ZDHHC11: variants seen among roughly 807,000 people sequenced by gnomAD.
ZDHHC11 encodes the protein zDHHC palmitoyltransferase 11.
ZDHHC11 carries 44 observed loss-of-function variants against 51.3 expected under a neutral mutation model. That is an observed-to-expected ratio of 0.86 (90% CI 0.67 to 1.10). The LOEUF (loss-of-function observed/expected upper bound fraction) is 1.10, where lower values mean the gene tolerates loss of function less well. ZDHHC11 is among the 50% of genes least tolerant of loss of function. The pLI, the probability that ZDHHC11 is intolerant of heterozygous loss-of-function variation, is 0.00. For synonymous variants in ZDHHC11, 163 were observed against 222.0 expected (o/e 0.73, Z 2.36); for missense variants, 400 against 537.7 (o/e 0.74, Z 2.53).
chr5:795,997 G>A lies in ZDHHC11; in HGVS notation c.*591C>T, dbSNP rs202002768. ...AGTACTGTGCTCCCATTTCTCAGTA[G>A]TGTACTCCCATTTCTCAGTACTGTG... On this transcript the variant is annotated 3_prime_UTR_variant, in exon 13 of 13. Coordinates refer to ENST00000283441, the MANE Select transcript of ZDHHC11 (RefSeq NM_024786.3). 5 of 34,694 alleles carry A rather than the reference G, an allele frequency of 1.4e-4. 1 individual carries two copies. The highest frequency in any genetic ancestry group is 6.7e-4 in the Non-Finnish European group (5 of 7,472). 2.1% of individuals were successfully genotyped at this position (34,694 alleles called of 1,614,324 possible). A position where few individuals can be genotyped will look rare whatever the true frequency, so the allele number is the denominator to read the frequency against.
In ZDHHC11 at chr5:819,538, C is replaced by G. The variant is rs572001257; in HGVS notation, c.1133G>C (p.Gly378Ala). The G allele has an allele frequency of 1.9e-6, 3 of 1,609,620 alleles. 1 individual carries two copies. The highest frequency in any genetic ancestry group is 1.7e-5 in the Admixed American group (1 of 59,930). The change falls in exon 10 of 13, where the codon GGC becomes GCC. Residue 378 changes from glycine to alanine, a missense_variant. By Grantham distance (60) the Gly-to-Ala change is moderately conservative. Coordinates refer to ENST00000283441, the MANE Select transcript of ZDHHC11 (RefSeq NM_024786.3). The part of the protein sequence containing the change: ...QFSTRVHPDG[G>A]SMAQEADDAP... ...ATTGCAACTTACCTGTGCCATCGAG[C>G]CCCCGTCTGGGTGTACACGAGTGGA...
upstream of ZDHHC11, among the ~76,000 whole-genome samples, chr5:859,840 G>A (rs1013767980): frequency 3.3e-5 from 5 of 151,322 alleles, no homozygotes; most frequent in African/African-American, 7.4e-5. Flanking sequence ...TTTCCAGTTC[G>A]TGTCGGTTGG....
At chr5:805,583 A>G (rs1451407484) in intron 11 of ZDHHC11, among the ~76,000 whole-genome samples, 8 of 95,052 alleles carry the variant, frequency 8.4e-5, no homozygotes, top group Non-Finnish European at 1.4e-4. Flanking sequence ...ACATTCAACT[A>G]AAGATTTTTT....
intron 5 of ZDHHC11, among the ~76,000 whole-genome samples, chr5:838,391 C>T (rs868470323): frequency 4.8e-4 from 73 of 152,218 alleles, no homozygotes; most frequent in African/African-American, 1.6e-3. Flanking sequence ...CCGTGAGAGC[C>T]GATGTCTTGT....
At position 841,991 on chromosome 5, in the gene ZDHHC11, G is replaced by T. The variant is rs1391555359; in HGVS notation, c.629-1341C>A. 1.7e-5 allele frequency: 17 copies of T among 988,756 alleles called. No individual in the cohort carries two copies. In the African/African-American group the frequency reaches 2.6e-4, roughly 15 times the overall value. The allele number at this position is 988,756 out of a possible 1,614,324, so 61.2% of individuals were successfully genotyped here. On this transcript the variant is annotated intron_variant, in intron 4 of 12. Transcript: ENST00000283441. Reference sequence around the variant, plus strand: ...GTGCCTGGGCCGGGCTGGACCCCATGCTGCCCCCCTTAGCCAGTGACATCA... The same window carrying T: ...GTGCCTGGGCCGGGCTGGACCCCATTCTGCCCCCCTTAGCCAGTGACATCA...
At chr5:836,085 G>C (rs566467655) in intron 6 of ZDHHC11, among the ~76,000 whole-genome samples, 4 of 150,512 alleles carry the variant, frequency 2.7e-5, no homozygotes, top group East Asian at 1.9e-4. Flanking sequence ...TGTGATATCA[G>C]AAGTAGGAGG....
chr5:859,726 C>T (rs529858733), upstream of ZDHHC11, among the ~76,000 whole-genome samples: 7 of 152,330 alleles, frequency 4.6e-5, no homozygotes, highest in South Asian at 2.1e-4. Flanking sequence ...AGCTTCACCA[C>T]GACCCATGAC....
chr5:799,977 T>C (rs1738179592), intron 12 of ZDHHC11, among the ~76,000 whole-genome samples: 1 of 151,372 alleles, frequency 6.6e-6, no homozygotes, highest in African/African-American at 2.4e-5. Flanking sequence ...CACTTTTTTT[T>C]CTAGAGAACA....
At chr5:849,654 G>T (rs556703521) in intron 1 of ZDHHC11, 1 of 152,492 alleles carries the variant, frequency 6.6e-6, no homozygotes, top group East Asian at 1.9e-4. Context: ...ACTCACTCAG[G>T]GACCCTGGGC....
chr5:812,373 C>T (rs1212639106), intron 11 of ZDHHC11, among the ~76,000 whole-genome samples: 7 of 152,044 alleles, frequency 4.6e-5, no homozygotes, highest in African/African-American at 9.7e-5. Context: ...GCAGAGAGCA[C>T]TTAGTATCGA....
rs922063216 is a variant in ZDHHC11 at position 814,622 on chromosome 5, T to A, written c.1181+139A>T. 21 of 980,064 alleles carry A rather than the reference T, an allele frequency of 2.1e-5. No homozygotes were observed. In the African/African-American group the frequency reaches 3.1e-4, roughly 14 times the overall value. The allele number at this position is 980,064 out of a possible 1,614,324, so 60.7% of individuals were successfully genotyped here. ...TAAGCCACATGAATGGCTATAAATG[T>A]TCAGAGAAACATTTCTACTTTCCCT... On this transcript the variant is annotated intron_variant, in intron 11 of 12. Coordinates refer to ENST00000283441, the MANE Select transcript of ZDHHC11 (RefSeq NM_024786.3).
chr5:824,421 A>T (rs567106430), intron 8 of ZDHHC11, among the ~76,000 whole-genome samples: 1 of 151,564 alleles, frequency 6.6e-6, no homozygotes, highest in East Asian at 1.9e-4. Context: ...TTATCCCACC[A>T]CTGCAATCCA....
intron 11 of ZDHHC11, among the ~76,000 whole-genome samples, chr5:804,541 C>A (rs1738972868): frequency 1.3e-5 from 2 of 151,218 alleles, no homozygotes; most frequent in Admixed American, 6.6e-5. Context: ...AAGATCTACA[C>A]CAAGACACAT....
chr5:825,091 T>C lies in ZDHHC11; in HGVS notation c.1023+73A>G, dbSNP rs1217569839. 2.7e-6 allele frequency: 4 copies of C among 1,470,676 alleles called. No individual in the cohort carries two copies. The East Asian group carries it at 6.8e-5, about 25-fold the overall frequency. The allele number at this position is 1,470,676 out of a possible 1,614,324, so 91.1% of individuals were successfully genotyped here. A position where few individuals can be genotyped will look rare whatever the true frequency, so the allele number is the denominator to read the frequency against. ...TTCTGAATACTGCCTTAACCTCAGC[T>C]TGGGGGACCCGAGACCACATATTCT... is the stretch of plus-strand genomic sequence containing the variant. On this transcript the variant is annotated intron_variant, in intron 8 of 12. Transcript: ENST00000283441.
rs191420955 is a variant in ZDHHC11, at chr5:849,935, C to T, written c.222+446G>A. The T allele has an allele frequency of 1.7e-4, 32 of 183,060 alleles. No individual in the cohort carries two copies. In the East Asian group the frequency reaches 4.1e-3, roughly 24 times the overall value. The allele number at this position is 183,060 out of a possible 1,614,324, so 11.3% of individuals were successfully genotyped here. ...GGAGTTCAGGGTTGACAGCCATCTC[C>T]GCAGGGCAGCCCAGAGGCCCTCGCA... On this transcript the variant is annotated intron_variant, in intron 1 of 12. Transcript: ENST00000283441.
At chr5:853,575 C>T (rs545366337), upstream of ZDHHC11, among the ~76,000 whole-genome samples, 268 of 90,956 alleles carry the variant, frequency 2.9e-3, 3 homozygotes, top group African/African-American at 0.011. Context: ...ACAGCAAGCC[C>T]GGGGGACAGA....
chr5:808,334 A>G (rs1739581942), intron 11 of ZDHHC11, among the ~76,000 whole-genome samples: 1 of 151,986 alleles, frequency 6.6e-6, no homozygotes, highest in Non-Finnish European at 1.5e-5. Flanking sequence ...AGACAGCCCT[A>G]TGGTAGCTGC....
intron 1 of ZDHHC11, among the ~76,000 whole-genome samples, chr5:858,134 C>A (rs1439897117): frequency 7.0e-6 from 1 of 143,802 alleles, no homozygotes; most frequent in East Asian, 2.1e-4. Flanking sequence ...CTTTATGACA[C>A]CGTGGTCCCC....
At chr5:853,211 G>A (rs1042948569), upstream of ZDHHC11, among the ~76,000 whole-genome samples, 1 of 142,312 alleles carries the variant, frequency 7.0e-6, no homozygotes, top group Non-Finnish European at 1.5e-5. Context: ...ACTCCACAGA[G>A]GACAGCGAGC....
Sources: gnomAD v4.1 joint callset for allele counts (sites outside exome capture counted in the v4.1 genomes callset) on GRCh38, gnomAD v4.1.1 for gene constraint, MANE v1.5 for transcripts, NCBI Gene and HGNC (gene_info 2026-07-23, HGNC 2026-07-21) for gene names.